NCKAP5: variants seen among roughly 807,000 people sequenced by gnomAD.
NCKAP5 encodes the protein nck-associated protein 5.
Under a neutral mutation model 167.0 loss-of-function variants are expected in NCKAP5, and 92 were observed. The observed-to-expected ratio is 0.55, with a 90% CI of 0.47 to 0.66. The LOEUF is 0.66. NCKAP5 is among the 30% of genes least tolerant of loss of function. The pLI is 0.00. For missense variants in NCKAP5, 2,378 were observed against 2,315.0 expected, an observed-to-expected ratio of 1.03 and a Z score of -0.56; for synonymous variants, 891 against 877.4, an observed-to-expected ratio of 1.02 and a Z score of -0.27.
intron 11 of NCKAP5, among the ~76,000 whole-genome samples, chr2:132,815,217 G>A (rs1464376390): frequency 2.0e-5 from 3 of 151,960 alleles, no homozygotes; most frequent in Admixed American, 2.0e-4. Context: ...TGCAGTATTT[G>A]CAACCTCGGA....
chr2:132,746,749 G>A (rs1679679584), intron 16 of NCKAP5, among the ~76,000 whole-genome samples: 1 of 151,760 alleles, frequency 6.6e-6, no homozygotes, highest in Admixed American at 6.6e-5. Flanking sequence ...AACAAATTGT[G>A]GTACATTCAT....
At chr2:133,296,340 T>TCCCCACCCCCCCCCCCCCC (rs1679958047) in intron 4 of NCKAP5, among the ~76,000 whole-genome samples, 1 of 150,344 alleles carries the variant, frequency 6.7e-6, no homozygotes, top group Non-Finnish European at 1.5e-5. Context: ...TTCTCTAACA[T>TCCCCACCCCCCCCCCCCCC]CCCCACCCCC....
At chr2:132,859,910 A>G (rs1216800336) in intron 11 of NCKAP5, among the ~76,000 whole-genome samples, 1 of 152,196 alleles carries the variant, frequency 6.6e-6, no homozygotes, top group Non-Finnish European at 1.5e-5. Context: ...AATCGACTCA[A>G]ATGGCTTGAC....
intron 7 of NCKAP5, among the ~76,000 whole-genome samples, chr2:132,964,483 T>C (rs2076603449): frequency 6.6e-6 from 1 of 152,178 alleles, no homozygotes; most frequent in Non-Finnish European, 1.5e-5. Flanking sequence ...CTTGACTCAC[T>C]GTTGGAAGCC....
intron 19 of NCKAP5, among the ~76,000 whole-genome samples, chr2:132,707,545 G>A (rs1308282863): frequency 2.0e-5 from 3 of 152,108 alleles, no homozygotes; most frequent in Admixed American, 6.5e-5. Flanking sequence ...AATGGAGTGC[G>A]TACATCACCC....
chr2:133,550,437 T>C (rs1478955773), intron 2 of NCKAP5, among the ~76,000 whole-genome samples: 1 of 151,850 alleles, frequency 6.6e-6, no homozygotes, highest in South Asian at 2.1e-4. Flanking sequence ...GCAAGTCTGG[T>C]TCAATATATG....
At chr2:132,969,601 C>G (rs2076772226) in intron 7 of NCKAP5, among the ~76,000 whole-genome samples, 1 of 152,192 alleles carries the variant, frequency 6.6e-6, no homozygotes, top group Admixed American at 6.5e-5. Context: ...TTTCCTGGCT[C>G]TTCTAGCCTG....
the NCKAP5 span, among the ~76,000 whole-genome samples, chr2:133,606,106 A>G: frequency 6.6e-6 from 1 of 151,246 alleles, no homozygotes; most frequent in East Asian, 1.9e-4. Context: ...AATACTCATC[A>G]AAACTAACCA....
chr2:132,860,758 C>T (rs898924023), intron 10 of NCKAP5, 147 bp from the exon 11 acceptor site: 46 of 1,084,446 alleles, frequency 4.2e-5, no homozygotes, highest in Non-Finnish European at 5.2e-5. Flanking sequence ...CATACGTTTT[C>T]GTCCACAGAC....
At chr2:133,173,972 T>TA (rs2084352440) in intron 5 of NCKAP5, among the ~76,000 whole-genome samples, 1 of 148,814 alleles carries the variant, frequency 6.7e-6, no homozygotes, top group South Asian at 2.2e-4. Flanking sequence ...GAAAAATACA[T>TA]ACGCTTTTTT....
intron 4 of NCKAP5, chr2:133,268,983 G>A (rs1032863117): frequency 1.3e-5 from 2 of 152,190 alleles, no homozygotes; most frequent in African/African-American, 4.8e-5. Context: ...TCCAGGAAGA[G>A]AAGAGTTGAG....
At chr2:133,208,992 T>C (rs1044656522) in intron 5 of NCKAP5, among the ~76,000 whole-genome samples, 2 of 152,036 alleles carry the variant, frequency 1.3e-5, no homozygotes, top group Non-Finnish European at 2.9e-5. Flanking sequence ...TGTCGAAAAA[T>C]TAGCTATTAA....
In NCKAP5 at chr2:132,809,807, G is replaced by A. The variant is rs181523930; in HGVS notation, c.808-13078C>T. Among the ~76,000 whole-genome samples the A allele has an allele frequency of 1.4e-3, 218 of 152,196 alleles. 1 individual carries two copies. The highest frequency in any genetic ancestry group is 4.9e-3 in the African/African-American group (204 of 41,524). ...ACGTACCATTGCATTTATTGGGCTC[G>A]TTGTTGCCTGTGTACTTCAGTTTTT... is the stretch of plus-strand genomic sequence containing the variant. On this transcript the variant is annotated intron_variant, in intron 11 of 19. Coordinates refer to ENST00000409261, the MANE Select transcript of NCKAP5 (RefSeq NM_207363.3).
chr2:132,797,260 A>G (rs925652701), intron 11 of NCKAP5, among the ~76,000 whole-genome samples: 58 of 152,214 alleles, frequency 3.8e-4, no homozygotes, highest in Non-Finnish European at 1.2e-4. Flanking sequence ...GTGAATAGAA[A>G]ATAATTGCTT....
rs551724401 is a variant in NCKAP5 at position 133,450,876 on chromosome 2, C to A, written c.69+66582G>T. ...TTTTCCACCAGGGTAAAATGAGAAA[C>A]CTTATAAAAGGTTTTCATATGCTAA... On this transcript the variant is annotated intron_variant, in intron 3 of 19. Transcript: ENST00000409261. Among the ~76,000 whole-genome samples, 3 of 152,146 alleles carry A rather than the reference C, an allele frequency of 2.0e-5. No homozygotes were observed. In the South Asian group the frequency reaches 6.2e-4, roughly 32 times the overall value.
chr2:133,148,133 T>C (rs528019144), intron 5 of NCKAP5, among the ~76,000 whole-genome samples: 3 of 152,260 alleles, frequency 2.0e-5, no homozygotes, highest in African/African-American at 7.2e-5. Context: ...ATCAGCCTGA[T>C]AGAATTTGCC....
At chr2:133,598,943 C>G in the NCKAP5 span, among the ~76,000 whole-genome samples, 3 of 152,212 alleles carry the variant, frequency 2.0e-5, no homozygotes, top group Non-Finnish European at 4.4e-5. Context: ...CCTTGCTATT[C>G]CCTGGCCTAG....
intron 11 of NCKAP5, among the ~76,000 whole-genome samples, chr2:132,836,295 CA>C (rs1390081155): frequency 6.6e-6 from 1 of 152,114 alleles, no homozygotes; most frequent in African/African-American, 2.4e-5. Context: ...ATTTATAATT[CA>C]TTGATGTTTA....
intron 3 of NCKAP5, among the ~76,000 whole-genome samples, chr2:133,516,880 T>A (rs953935344): frequency 2.0e-5 from 3 of 152,228 alleles, no homozygotes; most frequent in Non-Finnish European, 4.4e-5. Context: ...TAGCCAACCA[T>A]CAGACTTAGT....
Sources: allele counts gnomAD v4.1 joint callset (sites outside exome capture counted in the v4.1 genomes callset), GRCh38; gene constraint gnomAD v4.1.1; transcripts MANE v1.5; gene names NCBI Gene and HGNC (gene_info 2026-07-23, HGNC 2026-07-21).